The following ZNF121 variants were observed in gnomAD, a reference collection of about 807,000 sequenced individuals.
The protein encoded by ZNF121 is zinc finger protein 121 (clone ZHC32).
ZNF121 carries 1 observed loss-of-function variant against 2.4 expected under a neutral mutation model. The ratio of observed to expected loss-of-function variants is 0.41; its 90% confidence interval spans 0.15 to 1.94. The LOEUF (loss-of-function observed/expected upper bound fraction) is 1.94, where lower values mean the gene tolerates loss of function less well. Among genes scored for constraint, ZNF121 ranks in the 30% most tolerant of loss-of-function variants. The pLI is 0.30. For synonymous variants in ZNF121, 173 were observed against 158.6 expected, an observed-to-expected ratio of 1.09 and a Z score of -0.68; for missense variants, 369 against 466.3, an observed-to-expected ratio of 0.79 and a Z score of 1.92.
Position 9,565,886 on chromosome 19 carries a change from T to G in ZNF121, c.*54A>C. Reference sequence around the variant, plus strand: ...AGTGTGAATTCAAATGTGGTAATTATGGTATGAGAAATTCCTAAAAGATTT... The same window carrying G: ...AGTGTGAATTCAAATGTGGTAATTAGGGTATGAGAAATTCCTAAAAGATTT... On this transcript the variant is annotated 3_prime_UTR_variant, in exon 4 of 4. Coordinates refer to ENST00000320451, the MANE Select transcript of ZNF121 (RefSeq NM_001008727.5). 2.2e-6 allele frequency: 3 copies of G among 1,347,520 alleles called. No individual in the cohort carries two copies. Among genetic ancestry groups the G allele is most frequent in the Non-Finnish European group, 3.0e-6 (3 of 999,284 alleles). The allele number at this position is 1,347,520 out of a possible 1,614,324, so 83.5% of individuals were successfully genotyped here. A position where few individuals can be genotyped will look rare whatever the true frequency, so the allele number is the denominator to read the frequency against.
rs2074099541 is a variant in ZNF121, at chr19:9,561,335, CTG to C, written c.*4603_*4604del. On this transcript the variant is annotated 3_prime_UTR_variant, in exon 4 of 4. Coordinates refer to ENST00000320451, the MANE Select transcript of ZNF121 (RefSeq NM_001008727.5). ...TGGAGACAAATGTACCATGAACAAA[CTG>C]TTGCCCAGAAAATAATTATATACCC... 1 of 152,258 alleles carries C rather than the reference CTG, an allele frequency of 6.6e-6. No individual in the cohort carries two copies. Among genetic ancestry groups the C allele is most frequent in the South Asian group, 2.1e-4 (1 of 4,822 alleles). The allele number at this position is 152,258 out of a possible 1,614,324, so 9.4% of individuals were successfully genotyped here.
Position 9,561,107 on chromosome 19 carries a change from C to T in ZNF121, c.*4833G>A, listed in dbSNP as rs2074098523. ...GCTGCAGTGGAATTAAAAGTGTTGG[C>T]TTGTGGTCATGTTTTTAATATAGAA... is the stretch of plus-strand genomic sequence containing the variant. On this transcript the variant is annotated 3_prime_UTR_variant, in exon 4 of 4. Coordinates refer to ENST00000320451, the MANE Select transcript of ZNF121 (RefSeq NM_001008727.5). The T allele has an allele frequency of 6.6e-6, 1 of 152,060 alleles. No homozygotes were observed. The highest frequency in any genetic ancestry group is 6.5e-5 in the Admixed American group (1 of 15,268). The allele number at this position is 152,060 out of a possible 1,614,324, so 9.4% of individuals were successfully genotyped here. A position where few individuals can be genotyped will look rare whatever the true frequency, so the allele number is the denominator to read the frequency against.
At chr19:9,575,934 C>T (rs571238390) in intron 1 of ZNF121, among the ~76,000 whole-genome samples, 58 of 152,038 alleles carry the variant, frequency 3.8e-4, no homozygotes, top group African/African-American at 9.9e-4. Flanking sequence ...ACCCCACTCT[C>T]GGTAATGGAC....
chr19:9,576,217 A>C (rs1429497366), intron 1 of ZNF121, among the ~76,000 whole-genome samples: 1 of 152,152 alleles, frequency 6.6e-6, no homozygotes, highest in East Asian at 1.9e-4. Flanking sequence ...TCACAGGCTC[A>C]AAGTGGTGGC....
rs1278865453 is a variant in ZNF121, at chr19:9,568,182, T to A, written c.-78-7A>T. 5.0e-6 allele frequency: 7 copies of A among 1,387,332 alleles called. No homozygotes were observed. Among genetic ancestry groups the A allele is most frequent in the East Asian group, 4.8e-5 (2 of 41,560 alleles). 85.9% of individuals were successfully genotyped at this position (1,387,332 alleles called of 1,614,324 possible). A position where few individuals can be genotyped will look rare whatever the true frequency, so the allele number is the denominator to read the frequency against. Reference sequence around the variant, plus strand: ...TTGGTTTTAACTTGCCATTCTGAAGTAAAACAGAAAAAAAGAAAAAAAAAT... The same window carrying A: ...TTGGTTTTAACTTGCCATTCTGAAGAAAAACAGAAAAAAAGAAAAAAAAAT... On this transcript the variant is annotated splice_region_variant and splice_polypyrimidine_tract_variant and intron_variant, in intron 2 of 3. Transcript: ENST00000320451.
chr19:9,579,565 G>T (rs970573733), intron 1 of ZNF121, among the ~76,000 whole-genome samples: 2 of 152,308 alleles, frequency 1.3e-5, no homozygotes, highest in African/African-American at 4.8e-5. Context: ...TGCGCCTGTA[G>T]TCCCAGGCAG....
intron 1 of ZNF121, among the ~76,000 whole-genome samples, chr19:9,577,381 C>T (rs540062122): frequency 2.0e-5 from 3 of 151,706 alleles, no homozygotes; most frequent in African/African-American, 4.8e-5. Flanking sequence ...ACCCGGGAGG[C>T]GGAGGTTGCC....
intron 3 of ZNF121, chr19:9,567,859 G>T (rs1559200): frequency 2.5e-6 from 1 of 403,874 alleles, no homozygotes; most frequent in Admixed American, 3.6e-5. Context: ...TAATACAAGC[G>T]ATGGGGAATG....
chr19:9,574,161 T>A (rs1186153843), intron 1 of ZNF121, among the ~76,000 whole-genome samples: 1 of 152,124 alleles, frequency 6.6e-6, no homozygotes. Flanking sequence ...TATACATTTT[T>A]TTGAGACAGA....
At chr19:9,581,581 G>A (rs12460656) in intron 1 of ZNF121, among the ~76,000 whole-genome samples, 26,279 of 152,038 alleles carry the variant, frequency 0.17, 3,597 homozygotes, top group African/African-American at 0.38. Flanking sequence ...CTATGAATTA[G>A]AGAATAAAAG....
rs1194140370 is a variant in ZNF121, at chr19:9,566,034, C to A, written c.1079G>T (p.Arg360Ile). The A allele has an allele frequency of 4.3e-6, 7 of 1,613,806 alleles. No homozygotes were observed. Among genetic ancestry groups the A allele is most frequent in the Non-Finnish European group, 5.9e-6 (7 of 1,179,900 alleles). Reference protein sequence around the residue: ...RASSHLQKHVRIHTGEKPYIC... With the variant: ...RASSHLQKHVIIHTGEKPYIC... ...ATAGGGTTTCTCTCCAGTGTGAATT[C>A]TAACATGTTTCTGTAGATGTGAAGA... Residue 360 changes from arginine to isoleucine, a missense_variant, in exon 4 of 4, where the codon AGA (arginine) becomes ATA (isoleucine). Around this residue, in one of 4 missense-constraint regions of ZNF121, gnomAD observed 127 missense variants for 169.9 expected, o/e 0.75. Coordinates refer to ENST00000320451, the MANE Select transcript of ZNF121 (RefSeq NM_001008727.5).
intron 1 of ZNF121, among the ~76,000 whole-genome samples, chr19:9,576,012 G>A (rs940713654): frequency 8.6e-5 from 13 of 151,816 alleles, no homozygotes; most frequent in African/African-American, 2.9e-4. Context: ...AACCAAAAAG[G>A]CCTAACACAG....
chr19:9,572,946 T>C (rs2074184231), intron 1 of ZNF121, among the ~76,000 whole-genome samples: 1 of 151,924 alleles, frequency 6.6e-6, no homozygotes, highest in African/African-American at 2.4e-5. Flanking sequence ...GCCTGGGAGG[T>C]AGAGGCTGCA....
In ZNF121 at chr19:9,566,990, A is replaced by G. The variant is rs1464207857; in HGVS notation, c.123T>C (p.Cys41=). Residue 41 remains cysteine, a synonymous_variant, in exon 4 of 4, where the codon TGT becomes TGC. Transcript: ENST00000320451. The part of the protein sequence containing the change: ...GTENTGDTYD[C]DEYGENFPML... ...TGGGAAAGTTTTCTCCATACTCATC[A>G]CAGTCATAAGTGTCCCCTGTATTTT... 2 of 1,614,162 alleles carry G rather than the reference A, an allele frequency of 1.2e-6. No individual in the cohort carries two copies. Among genetic ancestry groups the G allele is most frequent in the Non-Finnish European group, 1.7e-6 (2 of 1,180,018 alleles).
rs143247962 is a variant in ZNF121 at position 9,573,529 on chromosome 19, G to A, written c.-159-4447C>T. The stretch of plus-strand genomic sequence containing the variant: ...AATTACCTTGAAAGACCAAACCTAG[G>A]AATCACTGGTGTTCAAGAGGGAATG... On this transcript the variant is annotated intron_variant, in intron 1 of 3. Coordinates refer to ENST00000320451, the MANE Select transcript of ZNF121 (RefSeq NM_001008727.5). Among the ~76,000 whole-genome samples, 389 of 152,258 alleles carry A rather than the reference G, an allele frequency of 2.6e-3. 2 individuals are homozygous for A. The highest frequency in any genetic ancestry group is 9.1e-3 in the African/African-American group (376 of 41,538).
intron 1 of ZNF121, among the ~76,000 whole-genome samples, chr19:9,580,064 G>A (rs1599743111): frequency 6.6e-6 from 1 of 152,020 alleles, no homozygotes; most frequent in African/African-American, 2.4e-5. Context: ...AGGCTGAGAC[G>A]GGCGGATCAC....
rs1439279020 is a variant in ZNF121, at chr19:9,570,263, T to TG, written c.-159-1182dup. On this transcript the variant is annotated intron_variant, in intron 1 of 3. Coordinates refer to ENST00000320451, the MANE Select transcript of ZNF121 (RefSeq NM_001008727.5). ...ACCCCTGAAATAAAGTTATTTCTTA[T>TG]GTTCTCAGGGCTGAAATTGTTATAA... Among the ~76,000 whole-genome samples, 4 of 152,222 alleles carry TG rather than the reference T, an allele frequency of 2.6e-5. No homozygotes were observed. In the East Asian group the frequency reaches 7.8e-4, roughly 30 times the overall value.
At chr19:9,578,356 T>A (rs1467711305) in intron 1 of ZNF121, among the ~76,000 whole-genome samples, 1 of 151,540 alleles carries the variant, frequency 6.6e-6, no homozygotes, top group African/African-American at 2.4e-5. Context: ...GTCGCACCAC[T>A]GCACTCCAGC....
chr19:9,564,508 T>C lies in ZNF121; in HGVS notation c.*1432A>G, dbSNP rs2074117679. 1 of 152,096 alleles carries C rather than the reference T, an allele frequency of 6.6e-6. No homozygotes were observed. Among genetic ancestry groups the C allele is most frequent in the Non-Finnish European group, 1.5e-5 (1 of 68,034 alleles). The allele number at this position is 152,096 out of a possible 1,614,324, so 9.4% of individuals were successfully genotyped here. A position where few individuals can be genotyped will look rare whatever the true frequency, so the allele number is the denominator to read the frequency against. ...GTGGAAAAAGTAACTGTGGATGTGA[T>C]GGAAAAAAGAGAACTAGAATTAGAA... On this transcript the variant is annotated 3_prime_UTR_variant, in exon 4 of 4. Transcript: ENST00000320451.
Sources: allele counts gnomAD v4.1 joint callset (sites outside exome capture counted in the v4.1 genomes callset), GRCh38; gene constraint gnomAD v4.1.1; regional missense constraint gnomAD v4.1.1; transcripts MANE v1.5; gene names NCBI Gene and HGNC (gene_info 2026-07-23, HGNC 2026-07-21).